HSD17B14: variants seen among roughly 807,000 people sequenced by gnomAD.
HSD17B14 encodes L-fucose dehydrogenase.
In HSD17B14, 32 loss-of-function variants were observed where a neutral mutation model predicts 32.2. That is an observed-to-expected ratio of 0.99 (90% CI 0.75 to 1.33). The LOEUF (loss-of-function observed/expected upper bound fraction) is 1.33, where lower values mean the gene tolerates loss of function less well. Among genes scored for constraint, HSD17B14 ranks in the 40% most tolerant of loss-of-function variants. HSD17B14 has a pLI of 0.00. For missense variants in HSD17B14, 370 were observed against 366.5 expected (o/e 1.01, Z -0.08); for synonymous variants, 140 against 155.4 (o/e 0.90, Z 0.74).
At position 48,832,661 on chromosome 19, in the gene HSD17B14, C is replaced by G; in HGVS notation, c.277+5G>C. The G allele has an allele frequency of 6.2e-7, 1 of 1,612,676 alleles. No individual in the cohort carries two copies. Among genetic ancestry groups the G allele is most frequent in the Non-Finnish European group, 8.5e-7 (1 of 1,179,578 alleles). ...GGAGAATGGCCCTGGGGTCTCACAACTCACGGTGGCCAGCGTTGTTGACAA... is the reference window on the plus strand; with the variant it reads ...GGAGAATGGCCCTGGGGTCTCACAAGTCACGGTGGCCAGCGTTGTTGACAA... On this transcript the variant is annotated splice_donor_5th_base_variant and intron_variant, in intron 4 of 8. Coordinates refer to ENST00000263278, the MANE Select transcript of HSD17B14 (RefSeq NM_016246.3).
intron 2 of HSD17B14, among the ~76,000 whole-genome samples, chr19:48,835,406 C>T (rs1261581457): frequency 1.9e-5 from 2 of 106,672 alleles, no homozygotes; most frequent in Admixed American, 2.0e-4. Flanking sequence ...GAAAGTAGGG[C>T]CTGGGGGCCT....
chr19:48,815,078 C>T lies in HSD17B14; in HGVS notation c.433G>A (p.Ala145Thr), dbSNP rs1283615758. Residue 145 changes from alanine (A) to threonine (T), a missense_variant, in exon 6 of 9, where the codon GCA (alanine) becomes ACA (threonine). By Grantham distance (58) the Ala-to-Thr change is moderately conservative. Transcript: ENST00000263278. Reference sequence around the variant, plus strand: ...GGAACTGCCTGGGCCTGGCCGATTGCCCCCACCAGGCTGGAGATGTTGATG... The same window carrying T: ...GGAACTGCCTGGGCCTGGCCGATTGTCCCCACCAGGCTGGAGATGTTGATG... ...NVINISSLVG[A>T]IGQAQAVPYV... The T allele has an allele frequency of 1.2e-6, 2 of 1,613,902 alleles. No individual in the cohort carries two copies. The highest frequency in any genetic ancestry group is 2.2e-5 in the South Asian group (2 of 91,078).
rs200771585 is a variant in HSD17B14, at chr19:48,831,745, T to C, written c.292A>G (p.Arg98Gly). The C allele has an allele frequency of 6.2e-7, 1 of 1,609,572 alleles. No individual in the cohort carries two copies. The highest frequency in any genetic ancestry group is 1.3e-5 in the African/African-American group (1 of 74,500). ...NNAGHHPPPQ[R>G]PEETSAQGFR... Reference sequence around the variant, plus strand: ...CCCTGGGCAGAGGTCTCCTCAGGCCTCTGTGGGGGTGGGTCTAAAGTGGGG... The same window carrying C: ...CCCTGGGCAGAGGTCTCCTCAGGCCCCTGTGGGGGTGGGTCTAAAGTGGGG... Residue 98 changes from arginine to glycine, a missense_variant, in exon 5 of 9, where the codon AGG (arginine) becomes GGG (glycine). By Grantham distance (125) the Arg-to-Gly change is moderately radical. Transcript: ENST00000263278.
At chr19:48,822,075 A>G (rs62649774) in intron 5 of HSD17B14, among the ~76,000 whole-genome samples, 115,469 of 148,872 alleles carry the variant, frequency 0.78, 44,693 homozygotes, top group African/African-American at 0.88. Context: ...TTGTGGTAAC[A>G]ATGGTGATGG....
At position 48,813,440 on chromosome 19, in the gene HSD17B14, T is replaced by C; in HGVS notation, c.639+16A>G. On this transcript the variant is annotated intron_variant, in intron 8 of 8. Coordinates refer to ENST00000263278, the MANE Select transcript of HSD17B14 (RefSeq NM_016246.3). ...CATGCCACCTTCTACCACCTGGATC[T>C]GAACCCCACTTCTACCTGGGCCAGC... 1 of 1,595,794 alleles carries C rather than the reference T, an allele frequency of 6.3e-7. No individual in the cohort carries two copies.
intron 5 of HSD17B14, among the ~76,000 whole-genome samples, chr19:48,831,461 G>T (rs771909453): frequency 6.6e-6 from 1 of 152,102 alleles, no homozygotes; most frequent in Non-Finnish European, 1.5e-5. Flanking sequence ...GCTGAGGCAC[G>T]AGAATCGCTT....
chr19:48,817,646 G>A (rs2035079363), intron 5 of HSD17B14, among the ~76,000 whole-genome samples: 1 of 152,130 alleles, frequency 6.6e-6, no homozygotes, highest in Admixed American at 6.6e-5. Context: ...AAACCTATGA[G>A]GGATGGTCAA....
At chr19:48,822,338 ATGG>A (rs1332969984) in intron 5 of HSD17B14, among the ~76,000 whole-genome samples, 2 of 71,992 alleles carry the variant, frequency 2.8e-5, no homozygotes, top group Non-Finnish European at 5.9e-5. Flanking sequence ...GATGGTGATG[ATGG>A]TGGTGATGAT....
intron 5 of HSD17B14, among the ~76,000 whole-genome samples, chr19:48,824,705 G>C (rs2035214721): frequency 6.6e-6 from 1 of 151,492 alleles, no homozygotes; most frequent in African/African-American, 2.4e-5. Context: ...GGCAGAGATT[G>C]CAGTGAGCTG....
rs141362507 is a variant in HSD17B14, at chr19:48,814,380, G to C, written c.475-650C>G. Among the ~76,000 whole-genome samples, 314 of 151,832 alleles carry C rather than the reference G, an allele frequency of 2.1e-3. 2 individuals carry two copies. Among genetic ancestry groups the C allele is most frequent in the African/African-American group, 6.7e-3 (276 of 41,406 alleles). On this transcript the variant is annotated intron_variant, in intron 6 of 8. Transcript: ENST00000263278. The stretch of plus-strand genomic sequence containing the variant: ...ACTAAAAAATACAAAAATCTAGCTG[G>C]GCGTGGTGACAGCCACCTGTAATCT...
chr19:48,834,201 A>T (rs1377503538), intron 3 of HSD17B14, 75 bp downstream of exon 3: 2 of 1,192,190 alleles, frequency 1.7e-6, no homozygotes, highest in African/African-American at 3.0e-5. Context: ...AGGGAAAGGC[A>T]TATGCAAATG....
At chr19:48,814,574 G>T in intron 6 of HSD17B14, among the ~76,000 whole-genome samples, 1 of 151,886 alleles carries the variant, frequency 6.6e-6, no homozygotes. Flanking sequence ...GGGTGCGGTG[G>T]CTCATGCCTG....
At chr19:48,833,977 C>A (rs2035397650) in intron 3 of HSD17B14, among the ~76,000 whole-genome samples, 1 of 151,880 alleles carries the variant, frequency 6.6e-6, no homozygotes, top group South Asian at 2.1e-4. Flanking sequence ...GTGACACTTA[C>A]AAAAAAAAGA....
intron 2 of HSD17B14, 54 bp downstream of exon 2, chr19:48,835,751 C>A: frequency 1.3e-6 from 2 of 1,586,292 alleles, no homozygotes; most frequent in East Asian, 2.2e-5. Flanking sequence ...GGGTCTGGAC[C>A]TCTGGGTCTG....
At chr19:48,833,267 TC>T (rs1239117629) in intron 3 of HSD17B14, among the ~76,000 whole-genome samples, 2 of 148,904 alleles carry the variant, frequency 1.3e-5, no homozygotes, top group Non-Finnish European at 3.0e-5. Flanking sequence ...ACACCCAGGG[TC>T]AGGGGGTGGG....
rs61274028 is a variant in HSD17B14 at position 48,835,504 on chromosome 19, G to C, written c.127+301C>G. Among the ~76,000 whole-genome samples, 72 of 139,996 alleles carry C rather than the reference G, an allele frequency of 5.1e-4. 4 individuals carry two copies. The highest frequency in any genetic ancestry group is 2.8e-3 in the South Asian group (11 of 3,888). The allele number at this position is 139,996 out of a possible 152,430, so 91.8% of individuals were successfully genotyped here. A position where few individuals can be genotyped will look rare whatever the true frequency, so the allele number is the denominator to read the frequency against. On this transcript the variant is annotated intron_variant, in intron 2 of 8. Coordinates refer to ENST00000263278, the MANE Select transcript of HSD17B14 (RefSeq NM_016246.3). ...GCTGGGAGCCTGGACCCCTGGGTCT[G>C]AAGGAGGAGGGGTTGGGGACTTGGA... is the stretch of plus-strand genomic sequence containing the variant.
intron 5 of HSD17B14, among the ~76,000 whole-genome samples, chr19:48,830,334 C>T (rs1387876181): frequency 6.6e-6 from 1 of 152,126 alleles, no homozygotes; most frequent in Non-Finnish European, 1.5e-5. Flanking sequence ...GTTGATAGCG[C>T]CCAACGTCCA....
intron 5 of HSD17B14, among the ~76,000 whole-genome samples, chr19:48,825,851 T>C (rs192257026): frequency 9.2e-4 from 140 of 152,100 alleles, no homozygotes; most frequent in African/African-American, 2.5e-3. Flanking sequence ...GATGGAGTCT[T>C]GCTCTGTCAC....
chr19:48,832,089 A>AAG (rs1271084404), intron 4 of HSD17B14, among the ~76,000 whole-genome samples: 1 of 145,160 alleles, frequency 6.9e-6, no homozygotes, highest in African/African-American at 2.6e-5. Context: ...GAAAAAAAAA[A>AAG]AAAAAAAAAG....
Sources: allele counts gnomAD v4.1 joint callset (sites outside exome capture counted in the v4.1 genomes callset), GRCh38; gene constraint gnomAD v4.1.1; transcripts MANE v1.5; gene names NCBI Gene and HGNC (gene_info 2026-07-23, HGNC 2026-07-21).